Variants in DIPK1C observed in about 807,000 individuals in gnomAD.
DIPK1C encodes the protein divergent protein kinase domain 1C.
Under a neutral mutation model 28.0 loss-of-function variants are expected in DIPK1C, and 33 were observed. That is an observed-to-expected ratio of 1.18 (90% CI 0.89 to 1.58). The LOEUF is 1.58. Ranked by LOEUF, DIPK1C falls within the 40% of genes most tolerant of loss-of-function variation. The pLI is 0.00. For missense variants in DIPK1C, 569 were observed against 568.5 expected (o/e 1.00, Z -0.01); for synonymous variants, 255 against 248.8 (o/e 1.02, Z -0.23).
intron 2 of DIPK1C, among the ~76,000 whole-genome samples, chr18:74,442,925 C>T (rs1236143124): frequency 6.6e-6 from 1 of 152,206 alleles, no homozygotes; most frequent in Non-Finnish European, 1.5e-5. Context: ...AAGCCACATT[C>T]GAGTGGCTGG....
chr18:74,460,563 G>A (rs527986738), upstream of DIPK1C, among the ~76,000 whole-genome samples: 29 of 152,270 alleles, frequency 1.9e-4, no homozygotes, highest in East Asian at 1.9e-3. Flanking sequence ...TAGTAAAGCC[G>A]TGTTATTAAA....
At position 74,436,236 on chromosome 18, in the gene DIPK1C, G is replaced by C. The variant is rs930311026; in HGVS notation, c.*265C>G. The C allele has an allele frequency of 3.8e-5, 19 of 500,904 alleles. No individual in the cohort carries two copies. The highest frequency in any genetic ancestry group is 2.3e-4 in the Admixed American group (6 of 26,360). The allele number at this position is 500,904 out of a possible 1,614,324, so 31.0% of individuals were successfully genotyped here. ...GCAGAGAATAAGTGCACACAGGTTGGTGTCTTCTGACCGAGAGCCCTCCTG... is the reference window on the plus strand; with the variant it reads ...GCAGAGAATAAGTGCACACAGGTTGCTGTCTTCTGACCGAGAGCCCTCCTG... On this transcript the variant is annotated 3_prime_UTR_variant, in exon 4 of 4. Transcript: ENST00000343998.
chr18:74,459,487 T>C (rs1986584739), upstream of DIPK1C, among the ~76,000 whole-genome samples: 1 of 152,202 alleles, frequency 6.6e-6, no homozygotes, highest in Non-Finnish European at 1.5e-5. Flanking sequence ...GCAGCTTAGG[T>C]TGATACCACA....
rs927509410 is a variant in DIPK1C, at chr18:74,457,094, C to T, written c.166G>A (p.Asp56Asn). Residue 56 changes from aspartate to asparagine, a missense_variant, in exon 1 of 4, where the codon GAC becomes AAC. Asp to Asn is a conservative substitution (Grantham distance 23). Transcript: ENST00000343998. ...HPGVLSERCT[D>N]EKSRRILAAL... The stretch of plus-strand genomic sequence containing the variant: ...GCCAGGATGCGCCGGCTCTTCTCGT[C>T]GGTGCAGCGCTCGGAGAGGACACCC... 12 of 1,467,994 alleles carry T rather than the reference C, an allele frequency of 8.2e-6. No individual in the cohort carries two copies. The highest frequency in any genetic ancestry group is 5.2e-5 in the South Asian group (4 of 76,916). 90.9% of individuals were successfully genotyped at this position (1,467,994 alleles called of 1,614,324 possible).
At chr18:74,449,703 C>T (rs1986355740) in intron 1 of DIPK1C, among the ~76,000 whole-genome samples, 1 of 152,166 alleles carries the variant, frequency 6.6e-6, no homozygotes, top group Non-Finnish European at 1.5e-5. Context: ...CGCCCTGGAG[C>T]TAGTGACACC....
intron 1 of DIPK1C, among the ~76,000 whole-genome samples, chr18:74,454,523 T>G (rs895113918): frequency 5.3e-5 from 8 of 152,236 alleles, no homozygotes; most frequent in Admixed American, 5.2e-4. Context: ...AAGTCTCCCT[T>G]CAGCTCAGCT....
chr18:74,455,273 G>A (rs1481654549), intron 1 of DIPK1C, among the ~76,000 whole-genome samples: 2 of 152,074 alleles, frequency 1.3e-5, no homozygotes, highest in Non-Finnish European at 2.9e-5. Context: ...CTTAACCAAA[G>A]GTAAATGAAA....
At chr18:74,460,016 G>C (rs1262077299), upstream of DIPK1C, among the ~76,000 whole-genome samples, 1 of 152,194 alleles carries the variant, frequency 6.6e-6, no homozygotes, top group African/African-American at 2.4e-5. Context: ...GGCTTCTCAG[G>C]CTTTTTCTGA....
At chr18:74,462,925 G>A (rs1348065556), upstream of DIPK1C, among the ~76,000 whole-genome samples, 1 of 152,208 alleles carries the variant, frequency 6.6e-6, no homozygotes, top group Non-Finnish European at 1.5e-5. Flanking sequence ...TTGTCCTGCA[G>A]CTGGGTCCTT....
chr18:74,436,357 A>G lies in DIPK1C; in HGVS notation c.*144T>C. 2.6e-6 allele frequency: 2 copies of G among 777,864 alleles called. No homozygotes were observed. Among genetic ancestry groups the G allele is most frequent in the South Asian group, 3.7e-5 (2 of 53,980 alleles). The allele number at this position is 777,864 out of a possible 1,614,324, so 48.2% of individuals were successfully genotyped here. A position where few individuals can be genotyped will look rare whatever the true frequency, so the allele number is the denominator to read the frequency against. On this transcript the variant is annotated 3_prime_UTR_variant, in exon 4 of 4. Transcript: ENST00000343998. ...AGAGCGAGGGAGCACTGTCTCTGGCAGCAGCACTTGCCACTCCACAATGTG... is the reference window on the plus strand; with the variant it reads ...AGAGCGAGGGAGCACTGTCTCTGGCGGCAGCACTTGCCACTCCACAATGTG...
chr18:74,437,578 C>A (rs1986026190), intron 3 of DIPK1C, among the ~76,000 whole-genome samples: 2 of 152,220 alleles, frequency 1.3e-5, no homozygotes, highest in African/African-American at 4.8e-5. Context: ...TTGTAAAGAG[C>A]TACTGCTTCA....
chr18:74,441,866 G>T, intron 3 of DIPK1C, 86 bp downstream of exon 3: 3 of 1,421,096 alleles, frequency 2.1e-6, no homozygotes, highest in Non-Finnish European at 2.9e-6. Context: ...TCGACCTTGA[G>T]CTCCACTGAG....
At chr18:74,460,673 C>A (rs1295915648), upstream of DIPK1C, among the ~76,000 whole-genome samples, 1 of 152,204 alleles carries the variant, frequency 6.6e-6, no homozygotes, top group Non-Finnish European at 1.5e-5. Flanking sequence ...AAAGATACAG[C>A]CTCGGCCATA....
chr18:74,444,366 T>A (rs1035688556), intron 2 of DIPK1C, among the ~76,000 whole-genome samples: 2 of 152,232 alleles, frequency 1.3e-5, no homozygotes, highest in Admixed American at 1.3e-4. Flanking sequence ...AGAATGACTG[T>A]GAATGACCAA....
chr18:74,464,500 A>G, the DIPK1C span, among the ~76,000 whole-genome samples: 2 of 152,256 alleles, frequency 1.3e-5, no homozygotes, highest in African/African-American at 4.8e-5. Context: ...ATTTGCTACC[A>G]TCAATAAACT....
chr18:74,445,749 G>C (rs962924440), intron 2 of DIPK1C, among the ~76,000 whole-genome samples: 6 of 152,190 alleles, frequency 3.9e-5, no homozygotes, highest in Non-Finnish European at 5.9e-5. Flanking sequence ...TACAGCAGGT[G>C]GGGGAGCAGA....
chr18:74,459,556 G>T (rs1986585946), upstream of DIPK1C, among the ~76,000 whole-genome samples: 1 of 152,178 alleles, frequency 6.6e-6, no homozygotes. Flanking sequence ...AGTTTGTAAA[G>T]CTTATGAACT....
rs1034027128 is a variant in DIPK1C at position 74,447,680 on chromosome 18, A to G, written c.199-397T>C. 1.3e-5 allele frequency among the ~76,000 whole-genome samples: 2 copies of G among 152,178 alleles called. No homozygotes were observed. The highest frequency in any genetic ancestry group is 3.9e-4 in the East Asian group (2 of 5,188). On this transcript the variant is annotated intron_variant, in intron 1 of 3. Coordinates refer to ENST00000343998, the MANE Select transcript of DIPK1C (RefSeq NM_001044369.3). This position sits in a 1 kb window ranked among gnomAD's most constrained non-coding sequence, Gnocchi z 4.1. The stretch of plus-strand genomic sequence containing the variant: ...CTTCAGGGTCACTGGGAGAGCTTCT[A>G]AGTCCCACATCTAAGCAGCTAGGTC...
upstream of DIPK1C, among the ~76,000 whole-genome samples, chr18:74,462,016 C>A (rs1288593692): frequency 6.6e-6 from 1 of 152,216 alleles, no homozygotes; most frequent in Non-Finnish European, 1.5e-5. Context: ...CCTGCCTTGG[C>A]CTCCCAAAGT....
Sources: allele counts gnomAD v4.1 joint callset (sites outside exome capture counted in the v4.1 genomes callset), GRCh38; gene constraint gnomAD v4.1.1; non-coding constraint Gnocchi (gnomAD v3.1); transcripts MANE v1.5; gene names NCBI Gene and HGNC (gene_info 2026-07-23, HGNC 2026-07-21).